Variants in DNAH11 observed in about 807,000 individuals in gnomAD.
DNAH11 encodes the protein dynein axonemal heavy chain 11.
Under a neutral mutation model 526.0 loss-of-function variants are expected in DNAH11, and 442 were observed. The ratio of observed to expected loss-of-function variants is 0.84; its 90% confidence interval spans 0.78 to 0.91. The LOEUF is 0.91. Among genes scored for constraint, DNAH11 ranks in the 40% least tolerant of loss-of-function variants. The pLI, the probability that DNAH11 is intolerant of heterozygous loss-of-function variation, is 0.00. For synonymous variants in DNAH11, 2,461 were observed against 1,935.9 expected (o/e 1.27, Z -7.12); for missense variants, 6,989 against 5,448.7 (o/e 1.28, Z -8.90).
At chr7:21,841,337 C>T (rs1173021956) in intron 65 of DNAH11, among the ~76,000 whole-genome samples, 1 of 152,048 alleles carries the variant, frequency 6.6e-6, no homozygotes, top group African/African-American at 2.4e-5. Context: ...CATACATACA[C>T]ATCTTATCCT....
At chr7:21,553,667 T>A (rs1397505665) in intron 2 of DNAH11, among the ~76,000 whole-genome samples, 1 of 152,220 alleles carries the variant, frequency 6.6e-6, no homozygotes, top group Non-Finnish European at 1.5e-5. Context: ...ACTTGTAACA[T>A]CCCCTCATAG....
rs995967071 is a variant in DNAH11 at position 21,768,597 on chromosome 7, G to A, written c.9102+3008G>A. Among the ~76,000 whole-genome samples the A allele has an allele frequency of 5.3e-5, 8 of 152,304 alleles. No individual in the cohort carries two copies. The East Asian group carries it at 1.5e-3, about 29-fold the overall frequency. The stretch of plus-strand genomic sequence containing the variant: ...TGTCCTTATGTGGTGCCACTTAAAA[G>A]TAATGACACAAACTCCGTATCATCA... On this transcript the variant is annotated intron_variant, in intron 55 of 81. Coordinates refer to ENST00000409508, the MANE Select transcript of DNAH11 (RefSeq NM_001277115.2).
chr7:21,760,743 G>A (rs762551915), intron 54 of DNAH11, among the ~76,000 whole-genome samples: 1 of 152,110 alleles, frequency 6.6e-6, no homozygotes, highest in Non-Finnish European at 1.5e-5. Context: ...AAGAGCTTCT[G>A]GTAGCTGGAT....
chr7:21,816,198 G>A (rs1789783536), intron 63 of DNAH11, among the ~76,000 whole-genome samples: 1 of 152,016 alleles, frequency 6.6e-6, no homozygotes, highest in African/African-American at 2.4e-5. Flanking sequence ...TAAGTGTGGG[G>A]CAAAGTCTCT....
chr7:21,691,167 A>G (rs944647881), intron 35 of DNAH11, among the ~76,000 whole-genome samples: 2 of 121,868 alleles, frequency 1.6e-5, no homozygotes, highest in African/African-American at 9.1e-5. Flanking sequence ...ATCTTTCATA[A>G]TTTTTTTTTT....
intron 63 of DNAH11, among the ~76,000 whole-genome samples, chr7:21,816,103 G>C (rs112582732): frequency 2.6e-3 from 396 of 152,208 alleles, no homozygotes; most frequent in African/African-American, 9.1e-3. Context: ...TTGCTTATGT[G>C]GGGGTGGGGG....
rs1230592395 is a variant in DNAH11, at chr7:21,617,781, A to G, written c.4254+4A>G. The stretch of plus-strand genomic sequence containing the variant: ...CCAGCTGATGAAAGCTATTGGGGTC[A>G]GTATCCTTGGTCTCACTAATGAACC... On this transcript the variant is annotated splice_donor_region_variant and intron_variant, in intron 23 of 81. Coordinates refer to ENST00000409508, the MANE Select transcript of DNAH11 (RefSeq NM_001277115.2). 1.3e-6 allele frequency: 2 copies of G among 1,585,944 alleles called. No individual in the cohort carries two copies. Among genetic ancestry groups the G allele is most frequent in the African/African-American group, 1.4e-5 (1 of 73,590 alleles).
intron 55 of DNAH11, among the ~76,000 whole-genome samples, chr7:21,770,587 C>G (rs6956997): frequency 0.22 from 33,331 of 152,148 alleles, 4,380 homozygotes; most frequent in East Asian, 0.53. Flanking sequence ...GATGGAGGCC[C>G]AAGAGTAAAT....
At chr7:21,832,612 T>G (rs535436226) in intron 65 of DNAH11, among the ~76,000 whole-genome samples, 4 of 152,304 alleles carry the variant, frequency 2.6e-5, no homozygotes, top group African/African-American at 9.6e-5. Flanking sequence ...GTCTCACACA[T>G]TTATTCTTGA....
At chr7:21,827,921 AGCTGGAAGCTTACGGAT>A (rs1269080019) in intron 65 of DNAH11, among the ~76,000 whole-genome samples, 1 of 151,772 alleles carries the variant, frequency 6.6e-6, no homozygotes, top group Non-Finnish European at 1.5e-5. Context: ...TACTTTCTTG[AGCTGGAAGCTTACGGAT>A]TTTTTTTTTA....
intron 28 of DNAH11, among the ~76,000 whole-genome samples, chr7:21,648,869 ATTTC>A (rs1417903276): frequency 2.0e-5 from 3 of 152,104 alleles, no homozygotes; most frequent in Non-Finnish European, 2.9e-5. Flanking sequence ...TGTTTTCTTT[ATTTC>A]TTTAATTTTT....
intron 62 of DNAH11, among the ~76,000 whole-genome samples, chr7:21,805,156 C>T (rs528989395): frequency 6.6e-6 from 1 of 152,328 alleles, no homozygotes. Context: ...CACACAAGAC[C>T]CCCACTCGTT....
chr7:21,736,954 G>T (rs17354438), intron 46 of DNAH11, among the ~76,000 whole-genome samples: 2 of 152,096 alleles, frequency 1.3e-5, no homozygotes, highest in Non-Finnish European at 2.9e-5. Context: ...TTTATAAATG[G>T]AAGATTAAGC....
chr7:21,840,209 A>G (rs762019669), intron 65 of DNAH11, among the ~76,000 whole-genome samples: 5 of 152,238 alleles, frequency 3.3e-5, no homozygotes, highest in African/African-American at 4.8e-5. Flanking sequence ...TTCGATAAAA[A>G]GGAGCCCTGT....
intron 65 of DNAH11, among the ~76,000 whole-genome samples, chr7:21,822,776 T>C (rs892775768): frequency 1.3e-5 from 2 of 151,894 alleles, no homozygotes; most frequent in African/African-American, 4.9e-5. Context: ...TGTTATTTCT[T>C]GTCTTTTTGA....
chr7:21,826,125 T>G (rs1046423244), intron 65 of DNAH11, among the ~76,000 whole-genome samples: 2 of 152,178 alleles, frequency 1.3e-5, no homozygotes, highest in Non-Finnish European at 2.9e-5. Context: ...ACACAATATA[T>G]CCAGGTGACA....
intron 66 of DNAH11, among the ~76,000 whole-genome samples, chr7:21,846,979 A>G (rs991608394): frequency 2.3e-4 from 35 of 152,200 alleles, no homozygotes; most frequent in African/African-American, 7.7e-4. Context: ...TTGTAAGCAT[A>G]TAATGATTTA....
intron 75 of DNAH11, among the ~76,000 whole-genome samples, chr7:21,883,411 TA>T (rs1209551531): frequency 6.6e-6 from 1 of 152,190 alleles, no homozygotes. Context: ...ATTTCTTGAA[TA>T]AAACATGGTA....
At chr7:21,683,997 C>G in intron 32 of DNAH11, 53 bp downstream of exon 32, 2 of 1,575,708 alleles carry the variant, frequency 1.3e-6, no homozygotes, top group Non-Finnish European at 1.7e-6. Context: ...AAAAAGTCCC[C>G]TAGTGTGAGA....
Sources: allele counts gnomAD v4.1 joint callset (sites outside exome capture counted in the v4.1 genomes callset), GRCh38; gene constraint gnomAD v4.1.1; transcripts MANE v1.5; gene names NCBI Gene and HGNC (gene_info 2026-07-23, HGNC 2026-07-21).